Variants in SYN3 observed in about 807,000 individuals in gnomAD.
SYN3 encodes synapsin III.
Under a neutral mutation model 65.8 loss-of-function variants are expected in SYN3, and 35 were observed. That is an observed-to-expected ratio of 0.53 (90% CI 0.41 to 0.70). The LOEUF is 0.70. Among genes scored for constraint, SYN3 ranks in the 30% least tolerant of loss-of-function variants. The pLI is 0.00. For missense variants in SYN3, 680 were observed against 749.0 expected, an observed-to-expected ratio of 0.91 and a Z score of 1.08; for synonymous variants, 270 against 292.9, an observed-to-expected ratio of 0.92 and a Z score of 0.80.
chr22:32,909,372 T>C (rs988878623), intron 4 of SYN3, among the ~76,000 whole-genome samples: 1 of 152,192 alleles, frequency 6.6e-6, no homozygotes, highest in African/African-American at 2.4e-5. Flanking sequence ...CTCAGCTTCC[T>C]AATCTGTGCG....
chr22:32,581,792 C>CTTTTTTTTTTTTTTTTTTTTTTTTTTT (rs10716395), intron 7 of SYN3, among the ~76,000 whole-genome samples: 2 of 84,320 alleles, frequency 2.4e-5, no homozygotes, highest in African/African-American at 4.5e-5. Flanking sequence ...TTCTTTCTTT[C>CTTTTTTTTTTTTTTTTTTTTTTTTTTT]TTTTTTTTTT....
chr22:32,722,656 C>T (rs2061136337), intron 6 of SYN3, among the ~76,000 whole-genome samples: 1 of 152,220 alleles, frequency 6.6e-6, no homozygotes, highest in African/African-American at 2.4e-5. Context: ...CCAGATGCCT[C>T]ACAGGGGTGG....
chr22:32,673,228 G>C (rs780675152), intron 6 of SYN3, among the ~76,000 whole-genome samples: 41 of 152,202 alleles, frequency 2.7e-4, no homozygotes, highest in Non-Finnish European at 4.7e-4. Context: ...GCTCTATGGA[G>C]CTGTGGGGAA....
chr22:32,695,842 T>C (rs2060729427), intron 6 of SYN3, among the ~76,000 whole-genome samples: 1 of 152,184 alleles, frequency 6.6e-6, no homozygotes, highest in Admixed American at 6.5e-5. Flanking sequence ...CTTTTCCTTT[T>C]TTTTTCTCCA....
chr22:32,572,820 T>TC (rs1051243195), intron 7 of SYN3, among the ~76,000 whole-genome samples: 1 of 152,112 alleles, frequency 6.6e-6, no homozygotes, highest in Non-Finnish European at 1.5e-5. Flanking sequence ...ACTCCTCTGT[T>TC]CCCCATCTCA....
intron 1 of SYN3, among the ~76,000 whole-genome samples, chr22:33,047,953 A>T (rs1212060716): frequency 6.6e-6 from 1 of 151,672 alleles, no homozygotes; most frequent in African/African-American, 2.4e-5. Context: ...TTTTGAACTC[A>T]GGTCTGTGTT....
chr22:32,556,396 C>T (rs1207818479), intron 7 of SYN3, among the ~76,000 whole-genome samples: 2 of 152,170 alleles, frequency 1.3e-5, no homozygotes, highest in Non-Finnish European at 2.9e-5. Context: ...ACAACCACCA[C>T]CAAAAACTCA....
At chr22:32,932,311 G>A (rs527414806) in intron 3 of SYN3, among the ~76,000 whole-genome samples, 1 of 150,614 alleles carries the variant, frequency 6.6e-6, no homozygotes, top group Non-Finnish European at 1.5e-5. Context: ...GGTTACAGCA[G>A]CAGCACCATG....
intron 3 of SYN3, among the ~76,000 whole-genome samples, chr22:32,942,224 G>C (rs966306308): frequency 6.6e-6 from 1 of 152,218 alleles, no homozygotes; most frequent in Admixed American, 6.5e-5. Flanking sequence ...ACCTCACACG[G>C]CCAGGTACCC....
intron 6 of SYN3, among the ~76,000 whole-genome samples, chr22:32,853,075 T>C (rs963051315): frequency 6.6e-6 from 1 of 152,194 alleles, no homozygotes; most frequent in African/African-American, 2.4e-5. Flanking sequence ...CTCCAGGGAC[T>C]TCCTTCCTTT....
chr22:32,611,757 T>G (rs1601756255), intron 6 of SYN3, among the ~76,000 whole-genome samples: 1 of 152,288 alleles, frequency 6.6e-6, no homozygotes, highest in South Asian at 2.1e-4. Context: ...GTGCTTCCAG[T>G]TCCTGAGACA....
intron 1 of SYN3, chr22:33,015,475 C>T (rs2053448057): frequency 4.5e-6 from 1 of 221,800 alleles, no homozygotes; most frequent in Admixed American, 5.1e-5. Context: ...ATCCTTACTA[C>T]TTTAATTTAG....
At chr22:32,657,120 C>T (rs2060152059) in intron 6 of SYN3, among the ~76,000 whole-genome samples, 1 of 151,736 alleles carries the variant, frequency 6.6e-6, no homozygotes. Context: ...ACCCTCACTT[C>T]TCTTTTCTTT....
intron 7 of SYN3, among the ~76,000 whole-genome samples, chr22:32,559,275 T>C (rs2058549085): frequency 6.6e-6 from 1 of 152,192 alleles, no homozygotes; most frequent in Non-Finnish European, 1.5e-5. Context: ...CCAGACACTG[T>C]TGTAGACACC....
At chr22:32,724,770 G>T (rs2061166823) in intron 6 of SYN3, among the ~76,000 whole-genome samples, 1 of 152,168 alleles carries the variant, frequency 6.6e-6, no homozygotes, top group Non-Finnish European at 1.5e-5. Context: ...TTAGGACTCT[G>T]GCATCCTGAA....
chr22:32,908,709 C>T (rs918163090), intron 4 of SYN3, among the ~76,000 whole-genome samples: 10 of 152,074 alleles, frequency 6.6e-5, no homozygotes, highest in Admixed American at 5.9e-4. Context: ...AGTTAAGTAG[C>T]GGTGACAGGC....
intron 6 of SYN3, among the ~76,000 whole-genome samples, chr22:32,756,216 C>T (rs1003926697): frequency 8.7e-5 from 13 of 149,082 alleles, no homozygotes; most frequent in Non-Finnish European, 1.8e-4. Flanking sequence ...ACTTAAAGTT[C>T]AATTAAAAAA....
At chr22:32,705,219 G>T (rs1013606863) in intron 6 of SYN3, among the ~76,000 whole-genome samples, 3 of 152,158 alleles carry the variant, frequency 2.0e-5, no homozygotes, top group Admixed American at 6.6e-5. Context: ...TCCATCTTGA[G>T]TTAGTTTTTG....
chr22:32,988,116 G>A (rs867263556), intron 2 of SYN3, among the ~76,000 whole-genome samples: 9 of 151,844 alleles, frequency 5.9e-5, no homozygotes, highest in Middle Eastern at 3.4e-3. Flanking sequence ...AGACCATCCT[G>A]GCCAACATGG....
Sources: gnomAD v4.1 joint callset for allele counts (sites outside exome capture counted in the v4.1 genomes callset) on GRCh38, gnomAD v4.1.1 for gene constraint, MANE v1.5 for transcripts, NCBI Gene and HGNC (gene_info 2026-07-23, HGNC 2026-07-21) for gene names.